The following PDZD2 variants were observed in gnomAD, a reference collection of about 807,000 sequenced individuals.
PDZD2 encodes PDZ domain-containing protein 2.
In PDZD2, 90 loss-of-function variants were observed where a neutral mutation model predicts 220.7. The ratio of observed to expected loss-of-function variants is 0.41; its 90% CI spans 0.34 to 0.49. The LOEUF is 0.49. Ranked by LOEUF, PDZD2 falls within the 20% of genes least tolerant of loss-of-function variation. The probability of loss-of-function intolerance (pLI) is 0.28; values close to 1 mark genes in which losing one functional copy is unlikely to be tolerated. For missense variants in PDZD2, 3,174 were observed against 3,608.5 expected (o/e 0.88, Z 3.08); for synonymous variants, 1,375 against 1,450.5 (o/e 0.95, Z 1.18).
chr5:31,805,042 A>G (rs1754631082), intron 2 of PDZD2, among the ~76,000 whole-genome samples: 1 of 152,164 alleles, frequency 6.6e-6, no homozygotes, highest in South Asian at 2.1e-4. Flanking sequence ...ACAAATACAA[A>G]AAATTAGCCA....
At chr5:31,887,073 C>T (rs1740576050) in intron 2 of PDZD2, among the ~76,000 whole-genome samples, 1 of 152,204 alleles carries the variant, frequency 6.6e-6, no homozygotes, top group Non-Finnish European at 1.5e-5. Flanking sequence ...TTGGACTGGG[C>T]TGTTCCTTCT....
At position 32,088,239 on chromosome 5, in the gene PDZD2, A is replaced by T; in HGVS notation, c.4791A>T (p.Glu1597Asp). 1 of 1,614,116 alleles carries T rather than the reference A, an allele frequency of 6.2e-7. No individual in the cohort carries two copies. Among genetic ancestry groups the T allele is most frequent in the Non-Finnish European group, 8.5e-7 (1 of 1,180,024 alleles). ...HKEDPSESEE[E>D]QIEICSTRGC... ...AAGATCCTTCGGAGTCAGAAGAGGA[A>T]CAGATTGAGATTTGTTCCACACGTG... Residue 1597 changes from glutamate to aspartate, a missense_variant, in exon 20 of 25, where the codon GAA becomes GAT. This residue lies in a region of PDZD2 where 1,861 missense variants were observed against 2,001.0 expected (regional missense o/e 0.93). Transcript: ENST00000438447. This position sits in a 1 kb window ranked among gnomAD's most constrained non-coding sequence, Gnocchi z 4.6.
intron 2 of PDZD2, among the ~76,000 whole-genome samples, chr5:31,974,973 G>A (rs189396959): frequency 8.7e-4 from 133 of 152,114 alleles, no homozygotes; most frequent in African/African-American, 3.0e-3. Flanking sequence ...TGAATTGGGC[G>A]TGAATGACTA....
chr5:31,723,311 C>T (rs1748913563), intron 1 of PDZD2, among the ~76,000 whole-genome samples: 1 of 105,654 alleles, frequency 9.5e-6, no homozygotes, highest in African/African-American at 2.9e-5. Context: ...AGCAAGCAAT[C>T]TGAGATTTTT....
intron 3 of PDZD2, among the ~76,000 whole-genome samples, chr5:31,990,137 C>T (rs931276180): frequency 3.3e-5 from 5 of 152,192 alleles, no homozygotes; most frequent in Non-Finnish European, 7.3e-5. Context: ...GGAGTATTTA[C>T]GGCAGCAAGA....
At chr5:31,964,282 C>T (rs1748517260) in intron 2 of PDZD2, among the ~76,000 whole-genome samples, 3 of 152,072 alleles carry the variant, frequency 2.0e-5, no homozygotes, top group Admixed American at 2.0e-4. Flanking sequence ...ATCCCACCAT[C>T]TGAGTCCATT....
intron 20 of PDZD2, 116 bp downstream of exon 20, chr5:32,091,291 T>TC (rs1455485079): frequency 2.4e-6 from 2 of 837,368 alleles, no homozygotes; most frequent in East Asian, 5.9e-5. Context: ...TTTTTTTTTT[T>TC]TTTTTTTTTT....
Position 31,894,052 on chromosome 5 carries a change from G to A in PDZD2, c.477-89103G>A, listed in dbSNP as rs908461313. On this transcript the variant is annotated intron_variant, in intron 2 of 24. Coordinates refer to ENST00000438447, the MANE Select transcript of PDZD2 (RefSeq NM_178140.4). ...TGGGATTACAGGCATGCGCCACCAC[G>A]CCCAGCTTTTTTTTTTTTTTTTTTT... 8.6e-5 allele frequency among the ~76,000 whole-genome samples: 11 copies of A among 128,460 alleles called. No individual in the cohort carries two copies. In the East Asian group the frequency reaches 1.8e-3, roughly 21 times the overall value. The allele number at this position is 128,460 out of a possible 152,430, so 84.3% of individuals were successfully genotyped here. A position where few individuals can be genotyped will look rare whatever the true frequency, so the allele number is the denominator to read the frequency against.
chr5:31,944,240 A>G (rs1012946037), intron 2 of PDZD2, among the ~76,000 whole-genome samples: 2 of 152,212 alleles, frequency 1.3e-5, no homozygotes, highest in Admixed American at 1.3e-4. Context: ...TAATGAGAGA[A>G]GGAAGAAAAG....
chr5:31,828,766 A>G (rs944720316), intron 2 of PDZD2, among the ~76,000 whole-genome samples: 2 of 152,228 alleles, frequency 1.3e-5, no homozygotes, highest in African/African-American at 4.8e-5. Context: ...CTTAGAAAGC[A>G]CTAGGATTAT....
intron 8 of PDZD2, chr5:32,052,388 C>T: frequency 4.7e-6 from 2 of 423,726 alleles, no homozygotes; most frequent in Non-Finnish European, 8.7e-6. Flanking sequence ...TCAGGTGACC[C>T]ACCTGCCTTG....
intron 1 of PDZD2, among the ~76,000 whole-genome samples, chr5:31,766,370 G>T (rs991281383): frequency 7.2e-5 from 11 of 152,108 alleles, no homozygotes; most frequent in Admixed American, 3.9e-4. Flanking sequence ...TTTTATTATT[G>T]TATTCATTTT....
chr5:32,054,680 A>G (rs773369184), intron 10 of PDZD2, among the ~76,000 whole-genome samples: 17 of 152,302 alleles, frequency 1.1e-4, no homozygotes, highest in Non-Finnish European at 2.5e-4. Flanking sequence ...ATATGCGAAT[A>G]TACTAGACAA....
intron 2 of PDZD2, among the ~76,000 whole-genome samples, chr5:31,930,554 T>C (rs1160890868): frequency 6.6e-6 from 1 of 152,132 alleles, no homozygotes; most frequent in Non-Finnish European, 1.5e-5. Context: ...AGATGAAGAA[T>C]GGTCTCAAAT....
intron 2 of PDZD2, among the ~76,000 whole-genome samples, chr5:31,850,263 T>A (rs868497162): frequency 7.4e-6 from 1 of 135,072 alleles, no homozygotes; most frequent in Non-Finnish European, 1.6e-5. Flanking sequence ...CACACACACA[T>A]ATATATACTT....
chr5:31,789,225 A>T (rs913567081), intron 1 of PDZD2, among the ~76,000 whole-genome samples: 8 of 152,208 alleles, frequency 5.3e-5, no homozygotes, highest in Non-Finnish European at 8.8e-5. Context: ...ACCCTATATG[A>T]AAGGAGCCTC....
intron 2 of PDZD2, among the ~76,000 whole-genome samples, chr5:31,858,287 A>G (rs1277252573): frequency 6.6e-6 from 1 of 152,066 alleles, no homozygotes; most frequent in Non-Finnish European, 1.5e-5. Context: ...TAAAAACAAA[A>G]AAATTCCTTC....
chr5:31,930,129 G>C (rs897702144), intron 2 of PDZD2, among the ~76,000 whole-genome samples: 2 of 150,910 alleles, frequency 1.3e-5, no homozygotes, highest in Non-Finnish European at 2.9e-5. Flanking sequence ...CATGCTTCCT[G>C]TACAACCTGC....
At chr5:31,977,275 T>C (rs1439086940) in intron 2 of PDZD2, among the ~76,000 whole-genome samples, 2 of 152,234 alleles carry the variant, frequency 1.3e-5, no homozygotes, top group Non-Finnish European at 2.9e-5. Context: ...AGGATGATTT[T>C]CAGAGGTACC....
Sources: allele counts gnomAD v4.1 joint callset (sites outside exome capture counted in the v4.1 genomes callset), GRCh38; gene constraint gnomAD v4.1.1; regional missense constraint gnomAD v4.1.1; non-coding constraint Gnocchi (gnomAD v3.1); transcripts MANE v1.5; gene names NCBI Gene and HGNC (gene_info 2026-07-23, HGNC 2026-07-21).